NOX4: variants seen among roughly 807,000 people sequenced by gnomAD.
NOX4 encodes the protein NADPH oxidase 4, also known as kidney oxidase-1.
NOX4 carries 69 observed loss-of-function variants against 87.6 expected under a neutral mutation model. The ratio of observed to expected loss-of-function variants is 0.79; its 90% CI spans 0.65 to 0.96. The LOEUF (loss-of-function observed/expected upper bound fraction) is 0.96. NOX4 is among the 40% of genes least tolerant of loss of function. The probability of loss-of-function intolerance (pLI) is 0.00; values close to 1 mark genes in which losing one functional copy is unlikely to be tolerated. For synonymous variants in NOX4, 275 were observed against 238.2 expected (o/e 1.15, Z -1.42); for missense variants, 680 against 681.5 (o/e 1.00, Z 0.02).
the NOX4 span, among the ~76,000 whole-genome samples, chr11:89,533,307 T>C: frequency 6.6e-6 from 1 of 152,178 alleles, no homozygotes; most frequent in Non-Finnish European, 1.5e-5. Flanking sequence ...TCAGTCTTCC[T>C]TCCATTTTTG....
At chr11:89,355,670 G>T (rs1032224295) in intron 12 of NOX4, among the ~76,000 whole-genome samples, 4 of 152,076 alleles carry the variant, frequency 2.6e-5, no homozygotes, top group African/African-American at 7.2e-5. Flanking sequence ...TGTTGGAGAG[G>T]ATGTTGATCA....
At chr11:89,530,546 G>T in the NOX4 span, among the ~76,000 whole-genome samples, 3 of 150,336 alleles carry the variant, frequency 2.0e-5, no homozygotes, top group African/African-American at 4.9e-5. Flanking sequence ...TAGACATGGG[G>T]TTGCACTATG....
chr11:89,337,214 T>C (rs886745047), intron 16 of NOX4, among the ~76,000 whole-genome samples: 1 of 151,890 alleles, frequency 6.6e-6, no homozygotes, highest in Non-Finnish European at 1.5e-5. Context: ...CTTGAGGCGA[T>C]AGTGAAGAGG....
intron 6 of NOX4, among the ~76,000 whole-genome samples, chr11:89,438,887 A>G (rs1356304957): frequency 5.2e-5 from 1 of 19,076 alleles, no homozygotes; most frequent in Non-Finnish European, 8.4e-5. Flanking sequence ...TATATAATAT[A>G]TTATATATTA....
chr11:89,340,720 C>T (rs1945950606), intron 14 of NOX4, among the ~76,000 whole-genome samples: 1 of 152,130 alleles, frequency 6.6e-6, no homozygotes, highest in Non-Finnish European at 1.5e-5. Flanking sequence ...ATTCCAGCAA[C>T]TCATAATTCC....
At chr11:89,434,328 C>T (rs541396734) in intron 6 of NOX4, among the ~76,000 whole-genome samples, 1 of 152,154 alleles carries the variant, frequency 6.6e-6, no homozygotes, top group East Asian at 1.9e-4. Flanking sequence ...GTACTCGCAC[C>T]TCCTCACTTT....
At chr11:89,363,748 C>T (rs962581525) in intron 12 of NOX4, among the ~76,000 whole-genome samples, 1 of 152,034 alleles carries the variant, frequency 6.6e-6, no homozygotes, top group African/African-American at 2.4e-5. Flanking sequence ...ATGGAGCATA[C>T]ATCTCCCTAC....
the NOX4 span, among the ~76,000 whole-genome samples, chr11:89,553,252 G>C: frequency 6.6e-6 from 1 of 152,122 alleles, no homozygotes; most frequent in African/African-American, 2.4e-5. Flanking sequence ...TTGTCCTGGT[G>C]GGAGGTGATT....
chr11:89,555,243 G>A, the NOX4 span, among the ~76,000 whole-genome samples: 4 of 152,042 alleles, frequency 2.6e-5, no homozygotes, highest in African/African-American at 9.7e-5. Context: ...TAACACTTTG[G>A]AAGGCCAAGG....
intron 13 of NOX4, among the ~76,000 whole-genome samples, chr11:89,352,635 T>A (rs1437480732): frequency 6.6e-6 from 1 of 152,116 alleles, no homozygotes; most frequent in Non-Finnish European, 1.5e-5. Context: ...CTTTCAGGCG[T>A]CCATGACTTC....
chr11:89,437,228 C>G (rs1388714773), intron 6 of NOX4, among the ~76,000 whole-genome samples: 4 of 151,850 alleles, frequency 2.6e-5, no homozygotes, highest in Admixed American at 2.6e-4. Context: ...CTTAGCCGGG[C>G]ATGGTGACGG....
chr11:89,509,115 A>T, the NOX4 span, among the ~76,000 whole-genome samples: 1 of 152,122 alleles, frequency 6.6e-6, no homozygotes, highest in Non-Finnish European at 1.5e-5. Context: ...AGAAACAATA[A>T]GCACAATATA....
the NOX4 span, among the ~76,000 whole-genome samples, chr11:89,515,842 C>T: frequency 0.08 from 12,165 of 151,892 alleles, 1,080 homozygotes; most frequent in East Asian, 0.23. Context: ...TATACATGTG[C>T]GGCTATTCCT....
At chr11:89,406,375 G>C (rs1183025040) in intron 8 of NOX4, among the ~76,000 whole-genome samples, 3 of 151,960 alleles carry the variant, frequency 2.0e-5, no homozygotes, top group Admixed American at 1.3e-4. Flanking sequence ...TATTTTAGAT[G>C]CATGCCTTTC....
upstream of NOX4, among the ~76,000 whole-genome samples, chr11:89,499,872 C>CTT (rs1946999080): frequency 2.8e-5 from 1 of 36,324 alleles, no homozygotes; most frequent in Non-Finnish European, 1.0e-4. Flanking sequence ...GCTTGAGCAC[C>CTT]TCTCATTATT....
intron 2 of NOX4, among the ~76,000 whole-genome samples, chr11:89,471,398 C>T (rs941107407): frequency 1.3e-5 from 2 of 152,068 alleles, no homozygotes; most frequent in East Asian, 3.9e-4. Context: ...AAAATAGTCA[C>T]GAGACAGATA....
chr11:89,509,015 A>G, the NOX4 span, among the ~76,000 whole-genome samples: 1 of 152,078 alleles, frequency 6.6e-6, no homozygotes, highest in Non-Finnish European at 1.5e-5. Context: ...TCATGATGTC[A>G]CTGAGAACTT....
At chr11:89,455,441 T>C (rs913372777) in intron 2 of NOX4, among the ~76,000 whole-genome samples, 1 of 152,088 alleles carries the variant, frequency 6.6e-6, no homozygotes, top group Non-Finnish European at 1.5e-5. Flanking sequence ...CAGGATCCAT[T>C]TTTTACAGCT....
chr11:89,394,294 T>C (rs189842604), intron 11 of NOX4, among the ~76,000 whole-genome samples: 14 of 152,196 alleles, frequency 9.2e-5, no homozygotes, highest in Admixed American at 9.2e-4. Flanking sequence ...TTTTTATGAA[T>C]ACAAGGATTC....
Sources: allele counts gnomAD v4.1 joint callset (sites outside exome capture counted in the v4.1 genomes callset), GRCh38; gene constraint gnomAD v4.1.1; transcripts MANE v1.5; gene names NCBI Gene and HGNC (gene_info 2026-07-23, HGNC 2026-07-21).